Variants in ZNF268 observed in about 807,000 individuals in gnomAD.
The protein encoded by ZNF268 is zinc finger protein 268, also known as zinc finger protein 3.
A neutral mutation model predicts 29.3 loss-of-function variants in ZNF268; 20 were observed. The observed-to-expected ratio is 0.68, with a 90% CI of 0.48 to 0.99. The LOEUF (loss-of-function observed/expected upper bound fraction) is 0.99, where lower values mean the gene tolerates loss of function less well. Among genes scored for constraint, ZNF268 ranks in the 50% least tolerant of loss-of-function variants. ZNF268 has a pLI of 0.00. For synonymous variants in ZNF268, 429 were observed against 376.9 expected, an observed-to-expected ratio of 1.14 and a Z score of -1.60; for missense variants, 1,240 against 1,121.6, an observed-to-expected ratio of 1.11 and a Z score of -1.51.
intron 1 of ZNF268, 130 bp downstream of exon 1, chr12:133,181,816 A>C: frequency 4.7e-6 from 3 of 644,488 alleles, no homozygotes; most frequent in Non-Finnish European, 8.3e-6. Context: ...GGAGATGGTG[A>C]ATCCCGTGCT....
Position 133,204,408 on chromosome 12 carries a change from A to G in ZNF268, c.2722A>G (p.Ser908Gly). ...GKTFSQKSIL[S>G]AHQRTHTGEK... Reference sequence around the variant, plus strand: ...AACCTTCTCTCAAAAATCAATTCTCAGTGCACATCAGAGAACACATACAGG... The same window carrying G: ...AACCTTCTCTCAAAAATCAATTCTCGGTGCACATCAGAGAACACATACAGG... Residue 908 changes from serine (S) to glycine (G), a missense_variant, in exon 6 of 6, where the codon AGT becomes GGT. Physicochemically the swap from Ser to Gly is moderately conservative, Grantham distance 56. Coordinates refer to ENST00000536435, the MANE Select transcript of ZNF268 (RefSeq NM_003415.3). 1 of 1,568,884 alleles carries G rather than the reference A, an allele frequency of 6.4e-7. No individual in the cohort carries two copies. The highest frequency in any genetic ancestry group is 1.2e-5 in the South Asian group (1 of 86,604).
intron 2 of ZNF268, among the ~76,000 whole-genome samples, chr12:133,183,415 G>A (rs977723207): frequency 1.3e-5 from 2 of 151,584 alleles, no homozygotes; most frequent in Non-Finnish European, 2.9e-5. Flanking sequence ...CAGGAGAATC[G>A]CTTGAACCCA....
In ZNF268 at chr12:133,181,962, TCA is replaced by T. The variant is rs1345407552; in HGVS notation, c.-34_-33del. 1.3e-6 allele frequency: 2 copies of T among 1,556,826 alleles called. No homozygotes were observed. Among genetic ancestry groups the T allele is most frequent in the Admixed American group, 3.9e-5 (2 of 51,354 alleles). On this transcript the variant is annotated 5_prime_UTR_variant, in exon 2 of 6. Coordinates refer to ENST00000536435, the MANE Select transcript of ZNF268 (RefSeq NM_003415.3). ...CTCTTCTAGCATCCCTCGCGTCCTG[TCA>T]CTTCCAGCGAGGCACACAAAACTGA...
At chr12:133,183,540 T>C (rs1301021135) in intron 2 of ZNF268, among the ~76,000 whole-genome samples, 2 of 149,890 alleles carry the variant, frequency 1.3e-5, no homozygotes, top group African/African-American at 4.9e-5. Flanking sequence ...GCAGAAGAAA[T>C]TAGATTTCAT....
In ZNF268 at chr12:133,193,304, G is replaced by A. The variant is rs1956518232; in HGVS notation, c.457+1301G>A. On this transcript the variant is annotated intron_variant, in intron 5 of 5. Transcript: ENST00000536435. ...ACTATGGTTGTGCCACTAGACTCTG[G>A]CCTGGGTGATAGTGAGATCTCATCT... is the stretch of plus-strand genomic sequence containing the variant. The A allele has an allele frequency of 8.0e-6, 4 of 498,400 alleles. No homozygotes were observed. In the East Asian group the frequency reaches 9.6e-5, roughly 12 times the overall value. 30.9% of individuals were successfully genotyped at this position (498,400 alleles called of 1,614,324 possible). A position where few individuals can be genotyped will look rare whatever the true frequency, so the allele number is the denominator to read the frequency against.
Position 133,206,253 on chromosome 12 carries a change from G to A in ZNF268, c.*1723G>A, listed in dbSNP as rs1387667539. The A allele has an allele frequency of 6.6e-6, 1 of 152,190 alleles. No individual in the cohort carries two copies. The highest frequency in any genetic ancestry group is 1.5e-5 in the Non-Finnish European group (1 of 68,024). The allele number at this position is 152,190 out of a possible 1,614,324, so 9.4% of individuals were successfully genotyped here. On this transcript the variant is annotated 3_prime_UTR_variant, in exon 6 of 6. Coordinates refer to ENST00000536435, the MANE Select transcript of ZNF268 (RefSeq NM_003415.3). The stretch of plus-strand genomic sequence containing the variant: ...CAAGAAACTTGGCCCATGCTATGAA[G>A]TCATGAAATGAATTGTTGGCATCAT...
intron 2 of ZNF268, among the ~76,000 whole-genome samples, chr12:133,187,180 T>C (rs1358945949): frequency 6.6e-6 from 1 of 152,172 alleles, no homozygotes; most frequent in Non-Finnish European, 1.5e-5. Context: ...TATTCCTTTT[T>C]TTTTAGGCTT....
Position 133,214,669 on chromosome 12 carries a change from AATGG to A in ZNF268, c.*10145_*10148del, listed in dbSNP as rs1400361387. 1.6e-4 allele frequency: 25 copies of A among 152,382 alleles called. No individual in the cohort carries two copies. Among genetic ancestry groups the A allele is most frequent in the African/African-American group, 5.5e-4 (23 of 41,586 alleles). 9.4% of individuals were successfully genotyped at this position (152,382 alleles called of 1,614,324 possible). A position where few individuals can be genotyped will look rare whatever the true frequency, so the allele number is the denominator to read the frequency against. ...AGGATGAAATGTGTGACAGCTGCTTAATGGATGGAGGATTTCCTTTGGGGTGATG... is the reference window on the plus strand; with the variant it reads ...AGGATGAAATGTGTGACAGCTGCTTAATGGAGGATTTCCTTTGGGGTGATG... On this transcript the variant is annotated 3_prime_UTR_variant, in exon 6 of 6. Coordinates refer to ENST00000536435, the MANE Select transcript of ZNF268 (RefSeq NM_003415.3).
rs1956933424 is a variant in ZNF268, at chr12:133,208,211, TGTG to T, written c.*3684_*3686del. ...AAACTTTTTAAAAAGATTAGCCAGG[TGTG>T]GTCAGGCGCCGTGGCTCATGCCTGT... On this transcript the variant is annotated 3_prime_UTR_variant, in exon 6 of 6. Coordinates refer to ENST00000536435, the MANE Select transcript of ZNF268 (RefSeq NM_003415.3). 1 of 151,636 alleles carries T rather than the reference TGTG, an allele frequency of 6.6e-6. No homozygotes were observed. Among genetic ancestry groups the T allele is most frequent in the Admixed American group, 6.6e-5 (1 of 15,222 alleles). The allele number at this position is 151,636 out of a possible 1,614,324, so 9.4% of individuals were successfully genotyped here.
intron 4 of ZNF268, 71 bp from the exon 5 acceptor site, chr12:133,191,837 T>G: frequency 1.3e-6 from 2 of 1,574,286 alleles, no homozygotes; most frequent in Non-Finnish European, 1.7e-6. Context: ...AAACCAAATC[T>G]TTCCCGTTCT....
In ZNF268 at chr12:133,204,728, G is replaced by A; in HGVS notation, c.*198G>A. On this transcript the variant is annotated 3_prime_UTR_variant, in exon 6 of 6. Coordinates refer to ENST00000536435, the MANE Select transcript of ZNF268 (RefSeq NM_003415.3). ...GCAAAAAGATAGTAGACAATACACA[G>A]GAAAACTGAATTTAGTAACCACTCT... The A allele has an allele frequency of 2.3e-6, 1 of 436,148 alleles. No individual in the cohort carries two copies. The highest frequency in any genetic ancestry group is 6.6e-5 in the South Asian group (1 of 15,058). The allele number at this position is 436,148 out of a possible 1,614,324, so 27.0% of individuals were successfully genotyped here.
At position 133,203,787 on chromosome 12, in the gene ZNF268, T is replaced by C. The variant is rs1214070203; in HGVS notation, c.2101T>C (p.Cys701Arg). The C allele has an allele frequency of 1.9e-6, 3 of 1,564,760 alleles. No homozygotes were observed. The highest frequency in any genetic ancestry group is 1.7e-6 in the Non-Finnish European group (2 of 1,161,654). The change falls in exon 6 of 6, where the codon TGT becomes CGT. Residue 701 changes from cysteine to arginine, a missense_variant. This residue lies in a region of ZNF268 where 1,177 missense variants were observed against 1,039.6 expected (regional missense o/e 1.13). Transcript: ENST00000536435. ...AGTAAAACCATATGGATGCAGTGAG[T>C]GTGGGAAAGCCTTCAGGAGCAAGTC... is the stretch of plus-strand genomic sequence containing the variant. The part of the protein sequence containing the change: ...TGVKPYGCSE[C>R]GKAFRSKSYL...
rs1956968695 is a variant in ZNF268 at position 133,210,904 on chromosome 12, A to G, written c.*6374A>G. ...CACCCCTTCCTTACTACCTAGGCAC[A>G]GTGTTGGATGGTCAGTGCTTCCTGT... On this transcript the variant is annotated 3_prime_UTR_variant, in exon 6 of 6. Coordinates refer to ENST00000536435, the MANE Select transcript of ZNF268 (RefSeq NM_003415.3). 1.8e-5 allele frequency: 8 copies of G among 455,936 alleles called. No individual in the cohort carries two copies. Among genetic ancestry groups the G allele is most frequent in the Admixed American group, 1.6e-4 (7 of 42,554 alleles). 28.2% of individuals were successfully genotyped at this position (455,936 alleles called of 1,614,324 possible).
chr12:133,184,214 C>T (rs7309027), intron 2 of ZNF268, among the ~76,000 whole-genome samples: 92,815 of 151,688 alleles, frequency 0.61, 29,506 homozygotes, highest in African/African-American at 0.75. Context: ...CAAGTGATTC[C>T]CCTGCCTCAG....
intron 2 of ZNF268, chr12:133,184,736 C>T (rs780083296): frequency 2.7e-5 from 12 of 449,276 alleles, no homozygotes; most frequent in Non-Finnish European, 5.4e-5. Flanking sequence ...CTTGCCTCAG[C>T]CTCCTGAGTA....
At chr12:133,182,093 C>T in intron 2 of ZNF268, 63 bp downstream of exon 2, 1 of 1,497,472 alleles carries the variant, frequency 6.7e-7, no homozygotes, top group Non-Finnish European at 9.1e-7. Context: ...GTGCGCACTC[C>T]ATCTACTCCA....
intron 2 of ZNF268, among the ~76,000 whole-genome samples, chr12:133,182,311 T>C (rs1566360685): frequency 6.6e-6 from 1 of 152,248 alleles, no homozygotes; most frequent in Non-Finnish European, 1.5e-5. Flanking sequence ...TTTCAGCCTT[T>C]ATTTACTGAG....
rs1322649366 is a variant in ZNF268 at position 133,212,777 on chromosome 12, C to T, written c.*8247C>T. ...TGATCATAACTCACTGCAGCCCCAACCTCCTGGGCTCAAGGGATCCTTCCA... is the reference window on the plus strand; with the variant it reads ...TGATCATAACTCACTGCAGCCCCAATCTCCTGGGCTCAAGGGATCCTTCCA... On this transcript the variant is annotated 3_prime_UTR_variant, in exon 6 of 6. Transcript: ENST00000536435. 1 of 152,072 alleles carries T rather than the reference C, an allele frequency of 6.6e-6. No homozygotes were observed. The highest frequency in any genetic ancestry group is 1.5e-5 in the Non-Finnish European group (1 of 68,006). 9.4% of individuals were successfully genotyped at this position (152,072 alleles called of 1,614,324 possible).
chr12:133,202,645 T>G lies in ZNF268; in HGVS notation c.959T>G (p.Ile320Ser), dbSNP rs776509465. Residue 320 changes from isoleucine to serine, a missense_variant, in exon 6 of 6, where the codon ATT (isoleucine) becomes AGT (serine). By Grantham distance (142) the Ile-to-Ser change is moderately radical. Transcript: ENST00000536435. Reference sequence around the variant, plus strand: ...GACTTCAGTAGTAAATCATACCTCATTGTACATCAGAGAATTCATACAGGA... The same window carrying G: ...GACTTCAGTAGTAAATCATACCTCAGTGTACATCAGAGAATTCATACAGGA... ...GKDFSSKSYL[I>S]VHQRIHTGEK... The G allele has an allele frequency of 4.9e-5, 78 of 1,605,652 alleles. No individual in the cohort carries two copies. Among genetic ancestry groups the G allele is most frequent in the Non-Finnish European group, 6.3e-5 (74 of 1,175,660 alleles).
Sources: gnomAD v4.1 joint callset for allele counts (sites outside exome capture counted in the v4.1 genomes callset) on GRCh38, gnomAD v4.1.1 for gene constraint, gnomAD v4.1.1 regional missense constraint, MANE v1.5 for transcripts, NCBI Gene and HGNC (gene_info 2026-07-23, HGNC 2026-07-21) for gene names.